The following STAG1 variants were observed in gnomAD, a reference collection of about 807,000 sequenced individuals.
STAG1 encodes the protein STAG1 cohesin complex component, also known as cohesin subunit SA-1.
A neutral mutation model predicts 170.9 loss-of-function variants in STAG1; 26 were observed. The ratio of observed to expected loss-of-function variants is 0.15; its 90% CI spans 0.11 to 0.21. The LOEUF (loss-of-function observed/expected upper bound fraction) is 0.21. STAG1 is among the 10% of genes least tolerant of loss of function. STAG1 has a pLI of 1.00. For synonymous variants in STAG1, 514 were observed against 497.7 expected, an observed-to-expected ratio of 1.03 and a Z score of -0.44; for missense variants, 964 against 1,509.5, an observed-to-expected ratio of 0.64 and a Z score of 5.99.
At chr3:136,543,429 T>C (rs550648521) in intron 5 of STAG1, among the ~76,000 whole-genome samples, 1 of 152,272 alleles carries the variant, frequency 6.6e-6, no homozygotes, top group African/African-American at 2.4e-5. Flanking sequence ...TTATCTGCTA[T>C]CACAGGGCAC....
intron 21 of STAG1, among the ~76,000 whole-genome samples, chr3:136,402,735 G>A (rs2087364442): frequency 6.6e-6 from 1 of 151,896 alleles, no homozygotes; most frequent in Admixed American, 6.6e-5. Flanking sequence ...GCTGAGATAT[G>A]AGAATCACTT....
chr3:136,440,164 G>A (rs759081225), intron 15 of STAG1, among the ~76,000 whole-genome samples: 10 of 151,856 alleles, frequency 6.6e-5, no homozygotes, highest in Non-Finnish European at 1.2e-4. Flanking sequence ...TTGAGATGGA[G>A]TCTCACACTG....
chr3:136,577,772 T>C (rs867880260), intron 4 of STAG1, among the ~76,000 whole-genome samples: 39 of 152,340 alleles, frequency 2.6e-4, no homozygotes, highest in Admixed American at 9.8e-4. Context: ...GAGGAACATG[T>C]ATGATAGTAG....
chr3:136,383,113 T>C (rs1414227258), intron 22 of STAG1, among the ~76,000 whole-genome samples: 2 of 152,210 alleles, frequency 1.3e-5, no homozygotes, highest in African/African-American at 2.4e-5. Flanking sequence ...CTGCCATTAC[T>C]GGGTCATGTG....
intron 21 of STAG1, among the ~76,000 whole-genome samples, chr3:136,413,603 C>T (rs2087691553): frequency 6.6e-6 from 1 of 151,982 alleles, no homozygotes; most frequent in Non-Finnish European, 1.5e-5. Flanking sequence ...AAATTACAGA[C>T]ATGTGCCACC....
At chr3:136,369,865 T>C (rs1240638022) in intron 23 of STAG1, among the ~76,000 whole-genome samples, 2 of 152,154 alleles carry the variant, frequency 1.3e-5, no homozygotes, top group Non-Finnish European at 2.9e-5. Context: ...AAAATTCCTA[T>C]CACCTAGTGA....
intron 24 of STAG1, among the ~76,000 whole-genome samples, chr3:136,368,067 T>C (rs1009274343): frequency 1.3e-5 from 2 of 152,156 alleles, no homozygotes; most frequent in East Asian, 1.9e-4. Flanking sequence ...ATTAGTCTTA[T>C]TGTGAAGCAT....
intron 21 of STAG1, among the ~76,000 whole-genome samples, chr3:136,414,014 A>G (rs1576442040): frequency 6.6e-6 from 1 of 152,248 alleles, no homozygotes; most frequent in East Asian, 1.9e-4. Context: ...AAAAAATGTA[A>G]TACTTTATTG....
intron 4 of STAG1, among the ~76,000 whole-genome samples, chr3:136,570,814 G>C (rs143693172): frequency 2.8e-4 from 43 of 152,340 alleles, no homozygotes; most frequent in African/African-American, 6.0e-4. Context: ...AAGTGAAAGA[G>C]AAGACTTTCT....
rs1288379262 is a variant in STAG1 at position 136,615,405 on chromosome 3, G to A, written c.132+7741C>T. On this transcript the variant is annotated intron_variant, in intron 3 of 33. Coordinates refer to ENST00000383202, the MANE Select transcript of STAG1 (RefSeq NM_005862.3). ...ATCGTGTCACTGCACTCCAGCCTGG[G>A]TGACAACAAGACTTTGTCCAAAAAA... Among the ~76,000 whole-genome samples the A allele has an allele frequency of 3.1e-5, 4 of 127,040 alleles. No individual in the cohort carries two copies. In the East Asian group the frequency reaches 1.1e-3, roughly 35 times the overall value. 83.3% of individuals were successfully genotyped at this position (127,040 alleles called of 152,430 possible). A position where few individuals can be genotyped will look rare whatever the true frequency, so the allele number is the denominator to read the frequency against.
rs545333490 is a variant in STAG1, at chr3:136,606,835, G to A, written c.133-2362C>T. Among the ~76,000 whole-genome samples the A allele has an allele frequency of 3.4e-5, 5 of 147,422 alleles. No homozygotes were observed. The East Asian group carries it at 6.0e-4, about 18-fold the overall frequency. ...GTGATCTCAGCTCACTACAACCTCC[G>A]TCTGCTGGGTTCGAGCAATTCTCCT... is the stretch of plus-strand genomic sequence containing the variant. On this transcript the variant is annotated intron_variant, in intron 3 of 33. Transcript: ENST00000383202.
At chr3:136,591,204 CAG>C (rs1427807571) in intron 4 of STAG1, among the ~76,000 whole-genome samples, 6 of 105,056 alleles carry the variant, frequency 5.7e-5, no homozygotes, top group African/African-American at 2.2e-4. Flanking sequence ...AGTTTGTGGA[CAG>C]AGTCTTTTTT....
chr3:136,565,015 C>T (rs60291974), intron 5 of STAG1, among the ~76,000 whole-genome samples: 1 of 22,416 alleles, frequency 4.5e-5, no homozygotes, highest in Non-Finnish European at 7.6e-5. Flanking sequence ...GGAAGGAAGG[C>T]AGGCAGGCAG....
At chr3:136,524,616 G>C (rs557128308) in intron 6 of STAG1, among the ~76,000 whole-genome samples, 2 of 152,292 alleles carry the variant, frequency 1.3e-5, no homozygotes, top group Admixed American at 1.3e-4. Context: ...GCCCTGGCCA[G>C]AACTTCCAAC....
At chr3:136,353,789 A>C (rs987485717) in intron 28 of STAG1, among the ~76,000 whole-genome samples, 3 of 152,238 alleles carry the variant, frequency 2.0e-5, no homozygotes, top group Non-Finnish European at 4.4e-5. Flanking sequence ...AATTTACATG[A>C]AAAAACAAAG....
At chr3:136,609,956 A>T (rs1370790509) in intron 3 of STAG1, among the ~76,000 whole-genome samples, 2 of 152,200 alleles carry the variant, frequency 1.3e-5, no homozygotes. Flanking sequence ...ATAGTCCTGA[A>T]TTTAAAAAAA....
intron 9 of STAG1, among the ~76,000 whole-genome samples, chr3:136,485,432 G>A (rs767047669): frequency 4.6e-5 from 7 of 152,084 alleles, no homozygotes; most frequent in Non-Finnish European, 1.0e-4. Context: ...ACTCCAGCCT[G>A]GGTGACAGAG....
chr3:136,396,584 G>A (rs1328614616), intron 22 of STAG1, among the ~76,000 whole-genome samples: 1 of 119,426 alleles, frequency 8.4e-6, no homozygotes, highest in Non-Finnish European at 1.6e-5. Flanking sequence ...CTGGAGTGCA[G>A]TGGCATGATC....
At chr3:136,524,298 A>G (rs1189841676) in intron 6 of STAG1, among the ~76,000 whole-genome samples, 1 of 152,164 alleles carries the variant, frequency 6.6e-6, no homozygotes, top group Admixed American at 6.5e-5. Flanking sequence ...TTCTCCTTGA[A>G]GAGGTCCTTC....
Sources: allele counts gnomAD v4.1 joint callset (sites outside exome capture counted in the v4.1 genomes callset), GRCh38; gene constraint gnomAD v4.1.1; transcripts MANE v1.5; gene names NCBI Gene and HGNC (gene_info 2026-07-23, HGNC 2026-07-21).